IQCB1: variants seen among roughly 807,000 people sequenced by gnomAD.
IQCB1 encodes the protein IQ calmodulin-binding motif-containing protein 1.
IQCB1 carries 56 observed loss-of-function variants against 84.4 expected under a neutral mutation model. The ratio of observed to expected loss-of-function variants is 0.66; its 90% confidence interval spans 0.54 to 0.83. The LOEUF (loss-of-function observed/expected upper bound fraction) is 0.83, where lower values mean the gene tolerates loss of function less well. Ranked by LOEUF, IQCB1 falls within the 40% of genes least tolerant of loss-of-function variation. The pLI is 0.00. For synonymous variants in IQCB1, 210 were observed against 234.8 expected, an observed-to-expected ratio of 0.89 and a Z score of 0.96; for missense variants, 629 against 682.1, an observed-to-expected ratio of 0.92 and a Z score of 0.87.
chr3:121,824,929 A>C (rs1352591168), intron 5 of IQCB1, among the ~76,000 whole-genome samples: 1 of 152,264 alleles, frequency 6.6e-6, no homozygotes, highest in African/African-American at 2.4e-5. Flanking sequence ...ATTTGGGTAT[A>C]CAAGTAGTCC....
chr3:121,772,332 G>C (rs1488043819), intron 14 of IQCB1, among the ~76,000 whole-genome samples: 1 of 152,160 alleles, frequency 6.6e-6, no homozygotes, highest in African/African-American at 2.4e-5. Flanking sequence ...ACTTTGGGGT[G>C]ACACATATGA....
At chr3:121,772,291 G>A (rs2108506707) in intron 14 of IQCB1, among the ~76,000 whole-genome samples, 1 of 152,278 alleles carries the variant, frequency 6.6e-6, no homozygotes, top group East Asian at 1.9e-4. Flanking sequence ...AGTAAAAGAT[G>A]GCTAGTAGGG....
chr3:121,819,049 C>A (rs1950176762), intron 5 of IQCB1, among the ~76,000 whole-genome samples: 1 of 152,114 alleles, frequency 6.6e-6, no homozygotes, highest in South Asian at 2.1e-4. Context: ...GATAATTTCT[C>A]CATGAACTAG....
chr3:121,788,756 C>T (rs1452980708), intron 11 of IQCB1, among the ~76,000 whole-genome samples: 1 of 151,482 alleles, frequency 6.6e-6, no homozygotes, highest in East Asian at 1.9e-4. Context: ...TTCAGTACCA[C>T]CAGAGGGAAA....
At chr3:121,787,825 A>G (rs1948800915) in intron 12 of IQCB1, among the ~76,000 whole-genome samples, 1 of 152,152 alleles carries the variant, frequency 6.6e-6, no homozygotes, top group African/African-American at 2.4e-5. Flanking sequence ...TCATCTGTGC[A>G]TTAAAAAAAT....
At chr3:121,831,710 T>A (rs575985049) in intron 2 of IQCB1, among the ~76,000 whole-genome samples, 135 of 152,334 alleles carry the variant, frequency 8.9e-4, no homozygotes, top group African/African-American at 3.0e-3. Context: ...ACACATTTGG[T>A]CACAGAAGTC....
intron 8 of IQCB1, among the ~76,000 whole-genome samples, chr3:121,797,614 A>G (rs1185910772): frequency 6.6e-6 from 1 of 152,096 alleles, no homozygotes; most frequent in East Asian, 1.9e-4. Flanking sequence ...ACAGACACAT[A>G]TTCAGTAAAT....
intron 13 of IQCB1, among the ~76,000 whole-genome samples, chr3:121,776,538 A>C (rs1667157837): frequency 6.6e-6 from 1 of 152,184 alleles, no homozygotes; most frequent in South Asian, 2.1e-4. Context: ...ACAGGTATGA[A>C]GTATCTTACT....
At chr3:121,805,201 C>T (rs1347352466) in intron 7 of IQCB1, among the ~76,000 whole-genome samples, 1 of 152,082 alleles carries the variant, frequency 6.6e-6, no homozygotes, top group Non-Finnish European at 1.5e-5. Flanking sequence ...TACTTCAGTA[C>T]CAGTAAAATC....
At chr3:121,798,170 C>T (rs542637355) in intron 8 of IQCB1, among the ~76,000 whole-genome samples, 1 of 151,942 alleles carries the variant, frequency 6.6e-6, no homozygotes, top group African/African-American at 2.4e-5. Flanking sequence ...AACTAAAGAG[C>T]TCTATTACTG....
intron 5 of IQCB1, among the ~76,000 whole-genome samples, chr3:121,821,297 C>T (rs1452590585): frequency 1.3e-5 from 2 of 152,206 alleles, no homozygotes; most frequent in Non-Finnish European, 2.9e-5. Flanking sequence ...AATACTCTAT[C>T]TAACTCTGGT....
chr3:121,810,211 T>C lies in IQCB1; in HGVS notation c.394-1202A>G, dbSNP rs761519166. ...ACCTTTAAATCGAAATTCTCACATA[T>C]ACTCACACAAAACCACTTTGTATTT... On this transcript the variant is annotated intron_variant, in intron 5 of 14. Coordinates refer to ENST00000310864, the MANE Select transcript of IQCB1 (RefSeq NM_001023570.4). 2.6e-5 allele frequency among the ~76,000 whole-genome samples: 4 copies of C among 152,170 alleles called. 1 individual carries two copies. The highest frequency in any genetic ancestry group is 5.9e-5 in the Non-Finnish European group (4 of 68,006).
At chr3:121,790,030 A>G (rs756527700) in intron 11 of IQCB1, 43 bp downstream of exon 11, 2 of 1,567,218 alleles carry the variant, frequency 1.3e-6, no homozygotes, top group Non-Finnish European at 1.8e-6. Context: ...TTAAAAGATA[A>G]CCTAAATATT....
intron 7 of IQCB1, among the ~76,000 whole-genome samples, chr3:121,800,817 T>TC (rs56201969): frequency 0.64 from 97,529 of 151,598 alleles, 31,847 homozygotes; most frequent in African/African-American, 0.71. Context: ...TCTAATCCAA[T>TC]TTCTGTTGCC....
rs1372460709 is a variant in IQCB1, at chr3:121,826,086, T to G, written c.358A>C (p.Arg120=). ...TTGATAAAACATGTTTGTAATTGTC[T>G]CCCCAAAACTAGAAAATTTTCTGCA... ...SAAENFLVLG[R]QLQTCFINAA... is the part of the protein sequence containing the mutation. The change falls in exon 5 of 15, where the codon AGA becomes CGA. Residue 120 remains arginine (R), a synonymous_variant. Transcript: ENST00000310864. The G allele has an allele frequency of 1.9e-6, 3 of 1,613,322 alleles. No individual in the cohort carries two copies. The highest frequency in any genetic ancestry group is 2.5e-6 in the Non-Finnish European group (3 of 1,179,336).
chr3:121,778,410 C>A (rs1948322307), intron 13 of IQCB1, among the ~76,000 whole-genome samples: 1 of 151,976 alleles, frequency 6.6e-6, no homozygotes. Context: ...TCAATCTACA[C>A]AAATAAAAAG....
chr3:121,799,388 A>G lies in IQCB1; in HGVS notation c.588-14T>C. ...AGTAAATCACCACTAATAGAACAAA[A>G]TAAAAAAAAAAGTACCATTACTAAT... On this transcript the variant is annotated splice_polypyrimidine_tract_variant and intron_variant, in intron 7 of 14. Coordinates refer to ENST00000310864, the MANE Select transcript of IQCB1 (RefSeq NM_001023570.4). 6.8e-7 allele frequency: 1 copy of G among 1,479,000 alleles called. No individual in the cohort carries two copies. The highest frequency in any genetic ancestry group is 9.4e-7 in the Non-Finnish European group (1 of 1,065,462). 91.6% of individuals were successfully genotyped at this position (1,479,000 alleles called of 1,614,324 possible). A position where few individuals can be genotyped will look rare whatever the true frequency, so the allele number is the denominator to read the frequency against.
At position 121,795,350 on chromosome 3, in the gene IQCB1, A is replaced by G. The variant is rs1032841247; in HGVS notation, c.986+107T>C. ...AAACGTATGGAAAAAAAATGAAAAG[A>G]TAACAAGAAACATACTAGGAAATTA... is the stretch of plus-strand genomic sequence containing the variant. On this transcript the variant is annotated intron_variant, in intron 10 of 14. Transcript: ENST00000310864. 3 of 742,760 alleles carry G rather than the reference A, an allele frequency of 4.0e-6. No homozygotes were observed. The South Asian group carries it at 4.4e-5, about 11-fold the overall frequency. The allele number at this position is 742,760 out of a possible 1,614,324, so 46.0% of individuals were successfully genotyped here.
intron 10 of IQCB1, among the ~76,000 whole-genome samples, chr3:121,793,231 C>T (rs988889506): frequency 1.3e-5 from 2 of 152,072 alleles, no homozygotes; most frequent in Non-Finnish European, 2.9e-5. Context: ...AGCTGTTAGC[C>T]GCTTCAGAAA....
Sources: allele counts gnomAD v4.1 joint callset (sites outside exome capture counted in the v4.1 genomes callset), GRCh38; gene constraint gnomAD v4.1.1; transcripts MANE v1.5; gene names NCBI Gene and HGNC (gene_info 2026-07-23, HGNC 2026-07-21).